The following CCDC38 variants were observed in gnomAD, a reference collection of about 807,000 sequenced individuals.
CCDC38 encodes coiled-coil domain-containing protein 38.
CCDC38 carries 69 observed loss-of-function variants against 72.8 expected under a neutral mutation model. The observed-to-expected ratio is 0.95, with a 90% CI of 0.78 to 1.16. The LOEUF is 1.16. Among genes scored for constraint, CCDC38 ranks in the 50% most tolerant of loss-of-function variants. The probability of loss-of-function intolerance (pLI) is 0.00; values close to 1 mark genes in which losing one functional copy is unlikely to be tolerated. For missense variants in CCDC38, 626 were observed against 638.9 expected, an observed-to-expected ratio of 0.98 and a Z score of 0.22; for synonymous variants, 201 against 213.2, an observed-to-expected ratio of 0.94 and a Z score of 0.50.
At chr12:95,890,022 C>T (rs564860184) in intron 9 of CCDC38, among the ~76,000 whole-genome samples, 2 of 152,242 alleles carry the variant, frequency 1.3e-5, no homozygotes, top group African/African-American at 2.4e-5. Context: ...AGCGATCCTC[C>T]TACCTCAACC....
chr12:95,890,925 A>G lies in CCDC38; in HGVS notation c.778T>C (p.Ser260Pro), dbSNP rs147138435. The change falls in exon 9 of 16, where the codon TCA becomes CCA. Residue 260 changes from serine (S) to proline (P), a missense_variant. Ser to Pro is a moderately conservative substitution (Grantham distance 74). Coordinates refer to ENST00000344280, the MANE Select transcript of CCDC38 (RefSeq NM_182496.3). The stretch of plus-strand genomic sequence containing the variant: ...CCTTCCTTGTTACTTGAATGTAATG[A>G]TAATTCTAGAAATGGCAAATGAAGA... Reference protein sequence around the residue: ...IILPKILAKLSLHSSNKEGIL... With the variant: ...IILPKILAKLPLHSSNKEGIL... 37 of 1,569,536 alleles carry G rather than the reference A, an allele frequency of 2.4e-5. No homozygotes were observed. The highest frequency in any genetic ancestry group is 3.0e-5 in the Non-Finnish European group (34 of 1,145,040).
chr12:95,904,609 AC>A (rs1222841550), intron 5 of CCDC38, among the ~76,000 whole-genome samples: 2 of 152,224 alleles, frequency 1.3e-5, no homozygotes, highest in Non-Finnish European at 2.9e-5. Context: ...ACATGTGACA[AC>A]GCACAGAGAA....
intron 4 of CCDC38, among the ~76,000 whole-genome samples, chr12:95,909,589 G>A (rs1056915179): frequency 1.3e-5 from 2 of 151,928 alleles, no homozygotes; most frequent in East Asian, 3.9e-4. Context: ...ATCTGGCAAA[G>A]ACACAACAAA....
At chr12:95,883,655 C>A (rs1186373932) in intron 10 of CCDC38, among the ~76,000 whole-genome samples, 1 of 152,212 alleles carries the variant, frequency 6.6e-6, no homozygotes, top group Non-Finnish European at 1.5e-5. Context: ...CTGGGCTTAT[C>A]CTTCTAATAA....
chr12:95,914,535 C>T (rs1468226131), intron 4 of CCDC38, among the ~76,000 whole-genome samples: 1 of 152,096 alleles, frequency 6.6e-6, no homozygotes, highest in African/African-American at 2.4e-5. Flanking sequence ...TATCATTTCA[C>T]CCATAAATAC....
chr12:95,916,778 G>A (rs915532834), intron 4 of CCDC38, among the ~76,000 whole-genome samples: 1 of 151,966 alleles, frequency 6.6e-6, no homozygotes, highest in African/African-American at 2.4e-5. Flanking sequence ...GGATATCAAG[G>A]CTTTTTTATC....
intron 12 of CCDC38, among the ~76,000 whole-genome samples, chr12:95,878,745 G>A (rs1465304555): frequency 6.6e-6 from 1 of 152,132 alleles, no homozygotes; most frequent in Non-Finnish European, 1.5e-5. Context: ...ATCCTCTAGA[G>A]ATAGATTCTA....
intron 3 of CCDC38, among the ~76,000 whole-genome samples, chr12:95,918,104 C>A (rs1041199738): frequency 2.0e-5 from 3 of 152,106 alleles, no homozygotes; most frequent in Admixed American, 1.3e-4. Flanking sequence ...TTAGGGTAGA[C>A]AAAGTCCTGT....
chr12:95,927,578 A>G (rs961970504), intron 2 of CCDC38, among the ~76,000 whole-genome samples: 128 of 152,240 alleles, frequency 8.4e-4, no homozygotes, highest in African/African-American at 2.3e-3. Flanking sequence ...TGATCCTGTC[A>G]TTATGATGTT....
chr12:95,900,505 T>A (rs2121481355), intron 5 of CCDC38, among the ~76,000 whole-genome samples: 1 of 152,360 alleles, frequency 6.6e-6, no homozygotes, highest in East Asian at 1.9e-4. Flanking sequence ...TTCAACGTGT[T>A]ATTGATAAAG....
rs1169299463 is a variant in CCDC38 at position 95,918,859 on chromosome 12, T to C, written c.138+17A>G. 1.6e-5 allele frequency: 24 copies of C among 1,530,142 alleles called. No homozygotes were observed. Among genetic ancestry groups the C allele is most frequent in the Non-Finnish European group, 2.0e-5 (22 of 1,104,352 alleles). 94.8% of individuals were successfully genotyped at this position (1,530,142 alleles called of 1,614,324 possible). A position where few individuals can be genotyped will look rare whatever the true frequency, so the allele number is the denominator to read the frequency against. On this transcript the variant is annotated intron_variant, in intron 3 of 15. Transcript: ENST00000344280. ...ATTCTAACATTAATTGGGGTTGTGA[T>C]TTTAATTAAACTTTACCGTTTCCTT...
chr12:95,890,123 G>T (rs2079807962), intron 9 of CCDC38, among the ~76,000 whole-genome samples: 1 of 152,020 alleles, frequency 6.6e-6, no homozygotes, highest in South Asian at 2.1e-4. Flanking sequence ...TGCTGCCCAG[G>T]CTTGTCTTGA....
At chr12:95,891,536 TG>T (rs2079827285) in intron 8 of CCDC38, among the ~76,000 whole-genome samples, 1 of 151,954 alleles carries the variant, frequency 6.6e-6, no homozygotes, top group East Asian at 1.9e-4. Flanking sequence ...TTTGTAGAGA[TG>T]GGGTTTCACC....
intron 4 of CCDC38, among the ~76,000 whole-genome samples, chr12:95,911,278 A>G (rs374367143): frequency 1.1e-4 from 17 of 152,330 alleles, no homozygotes; most frequent in Middle Eastern, 3.4e-3. Context: ...CTCCATCTAT[A>G]AAAAGAAATC....
intron 15 of CCDC38, among the ~76,000 whole-genome samples, chr12:95,868,748 T>TA (rs1247013580): frequency 6.6e-6 from 1 of 151,334 alleles, no homozygotes; most frequent in African/African-American, 2.4e-5. Context: ...ACAAACTCCT[T>TA]ACCCTGTGTA....
intron 2 of CCDC38, chr12:95,935,456 C>T (rs1244216422): frequency 4.9e-6 from 1 of 203,096 alleles, no homozygotes. Context: ...AGAACATAGC[C>T]CAGGAACAGG....
intron 1 of CCDC38, among the ~76,000 whole-genome samples, chr12:95,939,542 A>C (rs2080427845): frequency 6.6e-6 from 1 of 152,138 alleles, no homozygotes; most frequent in Admixed American, 6.5e-5. Flanking sequence ...TTGACAGTAG[A>C]GTCTACAGGA....
chr12:95,928,847 G>T (rs2136735657), intron 2 of CCDC38, among the ~76,000 whole-genome samples: 2 of 152,310 alleles, frequency 1.3e-5, no homozygotes, highest in South Asian at 4.2e-4. Context: ...CAGTTAGGCT[G>T]CTCGGGGGTC....
intron 2 of CCDC38, among the ~76,000 whole-genome samples, chr12:95,928,218 C>G (rs539458707): frequency 7.9e-5 from 12 of 152,204 alleles, no homozygotes; most frequent in South Asian, 6.2e-4. Context: ...TCCCATATTT[C>G]TTGGAGGCTT....
Sources: gnomAD v4.1 joint callset for allele counts (sites outside exome capture counted in the v4.1 genomes callset) on GRCh38, gnomAD v4.1.1 for gene constraint, MANE v1.5 for transcripts, NCBI Gene and HGNC (gene_info 2026-07-23, HGNC 2026-07-21) for gene names.